The following CCDC158 variants were observed in gnomAD, a reference collection of about 807,000 sequenced individuals.
CCDC158 encodes the protein coiled-coil domain containing 158.
Under a neutral mutation model 138.6 loss-of-function variants are expected in CCDC158, and 116 were observed. The ratio of observed to expected loss-of-function variants is 0.84; its 90% CI spans 0.72 to 0.98. The LOEUF is 0.98. CCDC158 is among the 50% of genes least tolerant of loss of function. The probability of loss-of-function intolerance (pLI) is 0.00; values close to 1 mark genes in which losing one functional copy is unlikely to be tolerated. For synonymous variants in CCDC158, 436 were observed against 442.4 expected (o/e 0.99, Z 0.18); for missense variants, 1,265 against 1,306.1 (o/e 0.97, Z 0.48).
Position 76,313,135 on chromosome 4 carries a change from C to T in CCDC158, c.*35G>A. Reference sequence around the variant, plus strand: ...ACGAGTAACACCACAATTAATTGGGCCTCATTCCTCTGTAAAGAATAGGCA... The same window carrying T: ...ACGAGTAACACCACAATTAATTGGGTCTCATTCCTCTGTAAAGAATAGGCA... On this transcript the variant is annotated 3_prime_UTR_variant, in exon 25 of 25. Coordinates refer to ENST00000682701, the MANE Select transcript of CCDC158 (RefSeq NM_001394954.1). The T allele has an allele frequency of 1.4e-6, 2 of 1,380,408 alleles. No individual in the cohort carries two copies. Among genetic ancestry groups the T allele is most frequent in the Non-Finnish European group, 2.0e-6 (2 of 992,086 alleles). The allele number at this position is 1,380,408 out of a possible 1,614,324, so 85.5% of individuals were successfully genotyped here.
intron 9 of CCDC158, among the ~76,000 whole-genome samples, chr4:76,374,111 G>A (rs764339368): frequency 6.6e-6 from 1 of 152,022 alleles, no homozygotes; most frequent in African/African-American, 2.4e-5. Context: ...AGTCATGTTC[G>A]TGCCACTGCA....
chr4:76,397,212 A>G (rs1027158420), intron 3 of CCDC158, among the ~76,000 whole-genome samples: 1 of 140,692 alleles, frequency 7.1e-6, no homozygotes, highest in Non-Finnish European at 1.5e-5. Flanking sequence ...TTAATTTTGG[A>G]AAAAAAAAAC....
intron 4 of CCDC158, among the ~76,000 whole-genome samples, chr4:76,388,094 T>G (rs145542769): frequency 6.6e-6 from 1 of 152,270 alleles, no homozygotes; most frequent in Non-Finnish European, 1.5e-5. Context: ...GAGAGTATGC[T>G]TTGGGCCTTG....
chr4:76,405,814 A>G (rs961383997), intron 2 of CCDC158, among the ~76,000 whole-genome samples: 5 of 152,216 alleles, frequency 3.3e-5, no homozygotes, highest in Non-Finnish European at 5.9e-5. Context: ...TATAAAAAGC[A>G]TAAGTACAAA....
chr4:76,334,127 C>T lies in CCDC158; in HGVS notation c.2705G>A (p.Arg902Lys), dbSNP rs376108896. Residue 902 changes from arginine (R) to lysine (K), a missense_variant, in exon 19 of 25, where the codon AGG becomes AAG. By Grantham distance (26) the Arg-to-Lys change is conservative. Transcript: ENST00000682701. ...CTCTTGGAGAAGCTGTTTCAGGTCC[C>T]TTGTTGGATCTTCCTTCAGTGTGTT... ...KANTLKEDPT[R>K]DLKQLLQELR... The T allele has an allele frequency of 9.3e-6, 15 of 1,613,172 alleles. No individual in the cohort carries two copies. Among genetic ancestry groups the T allele is most frequent in the Admixed American group, 6.7e-5 (4 of 59,966 alleles).
chr4:76,344,935 C>T, intron 18 of CCDC158: 1 of 1,524,956 alleles, frequency 6.6e-7, no homozygotes, highest in Non-Finnish European at 9.1e-7. Context: ...GTGGCTTCTT[C>T]AAAAGTGTGG....
intron 3 of CCDC158, among the ~76,000 whole-genome samples, chr4:76,396,932 C>T (rs909167817): frequency 3.3e-5 from 5 of 152,242 alleles, no homozygotes; most frequent in African/African-American, 4.8e-5. Flanking sequence ...GGGGAAAATA[C>T]GCATGTGAAA....
chr4:76,367,818 T>C (rs935317846), intron 11 of CCDC158, 42 bp from the exon 12 acceptor site: 1 of 1,555,638 alleles, frequency 6.4e-7, no homozygotes, highest in African/African-American at 1.4e-5. Context: ...TTTGGGAGGA[T>C]AGGTATAGGC....
At position 76,396,387 on chromosome 4, in the gene CCDC158, T is replaced by C. The variant is rs758924400; in HGVS notation, c.170A>G (p.Tyr57Cys). The change falls in exon 4 of 25, where the codon TAT becomes TGT. Residue 57 changes from tyrosine (Y) to cysteine (C), a missense_variant. Physicochemically the swap from Tyr to Cys is radical, Grantham distance 194 (BLOSUM62 -2). Transcript: ENST00000682701. ...TCTAGGAGAATCAAGTTCCACTTCA[T>C]ATTTAGGGAAAAAAGGAACCTGTGT... ...TLTQVPFFPK[Y>C]EVELDSPRKI... The C allele has an allele frequency of 6.2e-7, 1 of 1,613,912 alleles. No homozygotes were observed. Among genetic ancestry groups the C allele is most frequent in the Non-Finnish European group, 8.5e-7 (1 of 1,179,850 alleles).
At chr4:76,411,602 C>G (rs945437597) in intron 2 of CCDC158, among the ~76,000 whole-genome samples, 1 of 152,102 alleles carries the variant, frequency 6.6e-6, no homozygotes, top group Non-Finnish European at 1.5e-5. Flanking sequence ...AAGCTACTTA[C>G]GATCGCATTT....
chr4:76,332,614 G>A, intron 19 of CCDC158, 123 bp from the exon 20 acceptor site: 1 of 643,758 alleles, frequency 1.6e-6, no homozygotes, highest in Non-Finnish European at 2.5e-6. Context: ...TAGATTTTAG[G>A]CCTCCAAGCA....
intron 22 of CCDC158, among the ~76,000 whole-genome samples, chr4:76,326,576 G>T (rs889499276): frequency 6.6e-6 from 1 of 151,996 alleles, no homozygotes; most frequent in African/African-American, 2.4e-5. Context: ...AATCATATCT[G>T]CACAAATGAA....
chr4:76,394,835 T>C (rs1057394550), intron 4 of CCDC158, among the ~76,000 whole-genome samples: 20 of 151,586 alleles, frequency 1.3e-4, no homozygotes, highest in African/African-American at 3.6e-4. Flanking sequence ...ACCTGGAAAG[T>C]AGTGGCAGGA....
At chr4:76,317,981 A>T (rs1269927774) in intron 24 of CCDC158, among the ~76,000 whole-genome samples, 1 of 152,154 alleles carries the variant, frequency 6.6e-6, no homozygotes, top group Non-Finnish European at 1.5e-5. Flanking sequence ...GACACAATTT[A>T]TCATACCCTC....
chr4:76,404,580 A>G (rs1728666180), intron 2 of CCDC158, among the ~76,000 whole-genome samples: 1 of 152,228 alleles, frequency 6.6e-6, no homozygotes, highest in African/African-American at 2.4e-5. Flanking sequence ...TAAAGTTAGG[A>G]AAGACAGAGA....
In CCDC158 at chr4:76,371,555, T is replaced by C. The variant is rs781521818; in HGVS notation, c.1030-19A>G. 1.9e-6 allele frequency: 3 copies of C among 1,613,588 alleles called. No individual in the cohort carries two copies. Among genetic ancestry groups the C allele is most frequent in the Non-Finnish European group, 2.5e-6 (3 of 1,179,628 alleles). Reference sequence around the variant, plus strand: ...CTTCTGTCTGAAAGGAAAGTACAAATTGAACAGTGTCTGATTATGACAGTG... The same window carrying C: ...CTTCTGTCTGAAAGGAAAGTACAAACTGAACAGTGTCTGATTATGACAGTG... On this transcript the variant is annotated intron_variant, in intron 9 of 24. Transcript: ENST00000682701.
At chr4:76,375,820 T>C (rs7669370) in intron 9 of CCDC158, 5,654 of 532,688 alleles carry the variant, frequency 0.011, 264 homozygotes, top group African/African-American at 0.098. Context: ...CAGCATAAAA[T>C]AACTGTGTTA....
At chr4:76,350,247 C>T (rs189518668) in intron 18 of CCDC158, among the ~76,000 whole-genome samples, 2 of 152,200 alleles carry the variant, frequency 1.3e-5, no homozygotes, top group South Asian at 2.1e-4. Flanking sequence ...TATGTTTCAG[C>T]GCACACATCT....
chr4:76,329,134 G>T (rs1295550221), intron 21 of CCDC158, among the ~76,000 whole-genome samples, 167 bp from the exon 22 acceptor site: 1 of 152,138 alleles, frequency 6.6e-6, no homozygotes, highest in Non-Finnish European at 1.5e-5. Context: ...TAGGTTCAAA[G>T]TTGCATTATC....
Sources: gnomAD v4.1 joint callset for allele counts (sites outside exome capture counted in the v4.1 genomes callset) on GRCh38, gnomAD v4.1.1 for gene constraint, MANE v1.5 for transcripts, NCBI Gene and HGNC (gene_info 2026-07-23, HGNC 2026-07-21) for gene names.